NT5C3A: variants seen among roughly 807,000 people sequenced by gnomAD.
NT5C3A encodes cytosolic 5'-nucleotidase 3A.
A neutral mutation model predicts 40.0 loss-of-function variants in NT5C3A; 23 were observed. The ratio of observed to expected loss-of-function variants is 0.58; its 90% CI spans 0.41 to 0.81. NT5C3A has a LOEUF of 0.81. NT5C3A is among the 40% of genes least tolerant of loss of function. NT5C3A has a pLI of 0.00. For synonymous variants in NT5C3A, 130 were observed against 141.4 expected (o/e 0.92, Z 0.57); for missense variants, 328 against 403.0 (o/e 0.81, Z 1.59).
At chr7:33,029,959 A>G (rs1371655639) in intron 1 of NT5C3A, among the ~76,000 whole-genome samples, 1 of 152,188 alleles carries the variant, frequency 6.6e-6, no homozygotes, top group African/African-American at 2.4e-5. Flanking sequence ...ATTCATTTTC[A>G]TTGTGTATTC....
chr7:33,061,101 T>A (rs1001745761), intron 1 of NT5C3A, among the ~76,000 whole-genome samples: 2 of 152,200 alleles, frequency 1.3e-5, no homozygotes, highest in African/African-American at 4.8e-5. Context: ...TTGGCTTAGA[T>A]AAGTGGTATA....
intron 1 of NT5C3A, among the ~76,000 whole-genome samples, chr7:33,045,297 T>A (rs1352646995): frequency 2.0e-5 from 3 of 152,152 alleles, no homozygotes; most frequent in African/African-American, 7.2e-5. Context: ...CAAACTTCCC[T>A]GAAGACAACA....
intron 7 of NT5C3A, 199 bp downstream of exon 7, chr7:33,017,240 G>A (rs1461781374): frequency 3.5e-6 from 2 of 569,268 alleles, no homozygotes; most frequent in Non-Finnish European, 3.1e-6. Flanking sequence ...CTATAGCTTG[G>A]GGAATGAAAG....
At chr7:33,026,353 GAAAA>G (rs1226260693) in intron 2 of NT5C3A, among the ~76,000 whole-genome samples, 7 of 94,178 alleles carry the variant, frequency 7.4e-5, no homozygotes, top group Admixed American at 1.5e-4. Context: ...CATCTCAAAA[GAAAA>G]AAAAAAAAAA....
chr7:33,031,051 G>A (rs1583923880), intron 1 of NT5C3A, among the ~76,000 whole-genome samples: 1 of 147,720 alleles, frequency 6.8e-6, no homozygotes, highest in East Asian at 2.0e-4. Flanking sequence ...AGTGAGCCGA[G>A]ATCGCGCCAC....
rs1284694549 is a variant in NT5C3A at position 33,062,720 on chromosome 7, T to C, written c.-15A>G. The C allele has an allele frequency of 3.9e-6, 6 of 1,555,248 alleles. No homozygotes were observed. Among genetic ancestry groups the C allele is most frequent in the South Asian group, 2.4e-5 (2 of 84,902 alleles). ...GCGCGGTCCATGGACGGGGCCCTCATGCGCGTCCAAGCAGGAAAAAAACAG... is the reference window on the plus strand; with the variant it reads ...GCGCGGTCCATGGACGGGGCCCTCACGCGCGTCCAAGCAGGAAAAAAACAG... On this transcript the variant is annotated 5_prime_UTR_variant, in exon 1 of 9. An upstream start codon of the reference 5' UTR is lost. Coordinates refer to ENST00000610140, the MANE Select transcript of NT5C3A (RefSeq NM_001002010.5).
chr7:33,039,194 T>C (rs1159766226), intron 1 of NT5C3A, among the ~76,000 whole-genome samples: 1 of 152,144 alleles, frequency 6.6e-6, no homozygotes, highest in African/African-American at 2.4e-5. Context: ...AGTCAATTAA[T>C]GAAAATTGAT....
At chr7:33,044,479 G>A (rs947769453) in intron 1 of NT5C3A, among the ~76,000 whole-genome samples, 2 of 152,128 alleles carry the variant, frequency 1.3e-5, no homozygotes, top group Admixed American at 1.3e-4. Flanking sequence ...TTTCACCTCT[G>A]TACACAATAA....
chr7:33,023,415 T>C (rs1350567387), intron 3 of NT5C3A, among the ~76,000 whole-genome samples: 1 of 152,020 alleles, frequency 6.6e-6, no homozygotes, highest in African/African-American at 2.4e-5. Context: ...CCCGCCACCA[T>C]GCCCAGCTAA....
chr7:33,015,753 C>T lies in NT5C3A; in HGVS notation c.811G>A (p.Gly271Arg), dbSNP rs543405986. The T allele has an allele frequency of 1.2e-6, 2 of 1,610,800 alleles. No homozygotes were observed. The highest frequency in any genetic ancestry group is 1.3e-5 in the African/African-American group (1 of 74,950). The change falls in exon 8 of 9, where the codon GGA becomes AGA. Residue 271 changes from glycine (G) to arginine (R), a missense_variant. This residue lies in a region of NT5C3A where 12 missense variants were observed against 34.7 expected (regional missense o/e 0.35). Coordinates refer to ENST00000610140, the MANE Select transcript of NT5C3A (RefSeq NM_001002010.5). ...ATTCTTAAGTCTCCTTGGGAGTCTCCCAGAAGAATTATGTTACTATTGTCT... is the reference window on the plus strand; with the variant it reads ...ATTCTTAAGTCTCCTTGGGAGTCTCTCAGAAGAATTATGTTACTATTGTCT... ...LKDNSNIILL[G>R]DSQGDLRMAD...
At chr7:33,048,413 C>T (rs1446413195) in intron 1 of NT5C3A, among the ~76,000 whole-genome samples, 1 of 151,950 alleles carries the variant, frequency 6.6e-6, no homozygotes, top group East Asian at 1.9e-4. Context: ...CTCATGAGTC[C>T]AATTATTAAG....
At chr7:33,035,877 TA>T in intron 1 of NT5C3A, 1 of 1,372,454 alleles carries the variant, frequency 7.3e-7, no homozygotes, top group Admixed American at 1.7e-5. Flanking sequence ...GAGACAGAGG[TA>T]AAAGTGGTGA....
Position 33,014,584 on chromosome 7 carries a change from C to A in NT5C3A, c.*146G>T. The A allele has an allele frequency of 2.6e-6, 3 of 1,152,380 alleles. No homozygotes were observed. Among genetic ancestry groups the A allele is most frequent in the Non-Finnish European group, 3.7e-6 (3 of 804,066 alleles). 71.4% of individuals were successfully genotyped at this position (1,152,380 alleles called of 1,614,324 possible). A position where few individuals can be genotyped will look rare whatever the true frequency, so the allele number is the denominator to read the frequency against. ...GGAGAAAAGGAGCTTCCAGTCAATG[C>A]ATTCACCATATCTGAAAATACTTCA... is the stretch of plus-strand genomic sequence containing the variant. On this transcript the variant is annotated 3_prime_UTR_variant, in exon 9 of 9. Coordinates refer to ENST00000610140, the MANE Select transcript of NT5C3A (RefSeq NM_001002010.5).
intron 1 of NT5C3A, among the ~76,000 whole-genome samples, chr7:33,053,012 T>C (rs1397997655): frequency 6.6e-6 from 1 of 152,214 alleles, no homozygotes; most frequent in Non-Finnish European, 1.5e-5. Flanking sequence ...TGTCATGGTT[T>C]ATATAACCAG....
chr7:33,047,573 T>G (rs142047440), intron 1 of NT5C3A, among the ~76,000 whole-genome samples: 1 of 152,134 alleles, frequency 6.6e-6, no homozygotes, highest in Non-Finnish European at 1.5e-5. Flanking sequence ...AATATAGTTA[T>G]GAAAATATAA....
intron 1 of NT5C3A, among the ~76,000 whole-genome samples, chr7:33,049,385 T>C (rs570434541): frequency 1.9e-4 from 29 of 152,252 alleles, no homozygotes; most frequent in African/African-American, 6.7e-4. Flanking sequence ...GAGCTGAGAT[T>C]TGAACCAAGG....
intron 1 of NT5C3A, among the ~76,000 whole-genome samples, chr7:33,048,017 T>C (rs957572855): frequency 1.3e-5 from 2 of 151,462 alleles, no homozygotes; most frequent in African/African-American, 4.9e-5. Context: ...TGTGTGTGTG[T>C]CTTTTGATTT....
Position 33,014,145 on chromosome 7 carries a change from A to G in NT5C3A, c.*585T>C, listed in dbSNP as rs928257079. The G allele has an allele frequency of 2.3e-5, 10 of 439,758 alleles. No homozygotes were observed. Among genetic ancestry groups the G allele is most frequent in the African/African-American group, 1.4e-4 (7 of 49,360 alleles). 27.2% of individuals were successfully genotyped at this position (439,758 alleles called of 1,614,324 possible). On this transcript the variant is annotated 3_prime_UTR_variant, in exon 9 of 9. Transcript: ENST00000610140. ...GACCATAGAATTAAAAAGGTTTTGC[A>G]TTTCATATTTATTATCAGTGCTTCA...
intron 1 of NT5C3A, chr7:33,035,867 G>A: frequency 8.0e-7 from 1 of 1,248,486 alleles, no homozygotes; most frequent in Non-Finnish European, 1.2e-6. Flanking sequence ...TATCTGGTTA[G>A]AGACAGAGGT....
Sources: gnomAD v4.1 joint callset for allele counts (sites outside exome capture counted in the v4.1 genomes callset) on GRCh38, gnomAD v4.1.1 for gene constraint, gnomAD v4.1.1 regional missense constraint, MANE v1.5 for transcripts, NCBI Gene and HGNC (gene_info 2026-07-23, HGNC 2026-07-21) for gene names.